Variants in DNAJB12 observed in about 807,000 individuals in gnomAD.
DNAJB12 encodes the protein dnaJ homolog subfamily B member 12.
Under a neutral mutation model 40.6 loss-of-function variants are expected in DNAJB12, and 14 were observed. The observed-to-expected ratio is 0.34, with a 90% confidence interval of 0.23 to 0.54. DNAJB12 has a LOEUF of 0.54. Ranked by LOEUF, DNAJB12 falls within the 20% of genes least tolerant of loss-of-function variation. The probability of loss-of-function intolerance (pLI) is 0.92; values close to 1 mark genes in which losing one functional copy is unlikely to be tolerated. For missense variants in DNAJB12, 444 were observed against 501.7 expected, an observed-to-expected ratio of 0.89 and a Z score of 1.10; for synonymous variants, 181 against 199.5, an observed-to-expected ratio of 0.91 and a Z score of 0.78.
intron 5 of DNAJB12, among the ~76,000 whole-genome samples, chr10:72,340,082 C>T (rs1460818114): frequency 6.6e-6 from 1 of 152,184 alleles, no homozygotes; most frequent in African/African-American, 2.4e-5. Flanking sequence ...CAGTGGCTCA[C>T]GCCCATAATC....
rs1351410413 is a variant in DNAJB12 at position 72,338,260 on chromosome 10, C to T, written c.775G>A (p.Val259Met). The change falls in exon 6 of 9, where the codon GTG becomes ATG. Residue 259 changes from valine (V) to methionine (M), a missense_variant. Val to Met is a conservative substitution (Grantham distance 21). Transcript: ENST00000444643. Reference protein sequence around the residue: ...QLMPILILILVSALSQLMVSS... With the variant: ...QLMPILILILMSALSQLMVSS... ...ACCATGAGCTGGCTGAGAGCTGACA[C>T]GAGAATCAGGATGAGGATAGGCATC... is the stretch of plus-strand genomic sequence containing the variant. 5 of 1,614,004 alleles carry T rather than the reference C, an allele frequency of 3.1e-6. No individual in the cohort carries two copies. The highest frequency in any genetic ancestry group is 1.3e-5 in the African/African-American group (1 of 74,982).
At chr10:72,354,718 C>A (rs759803479) in intron 1 of DNAJB12, 47 bp downstream of exon 1, 5 of 1,528,984 alleles carry the variant, frequency 3.3e-6, no homozygotes, top group Non-Finnish European at 4.5e-6. Context: ...CCCGTGTTCC[C>A]CCCATCAGTT....
chr10:72,345,120 A>G lies in DNAJB12; in HGVS notation c.141T>C (p.Ile47=). 6.2e-7 allele frequency: 1 copy of G among 1,610,360 alleles called. No homozygotes were observed. Among genetic ancestry groups the G allele is most frequent in the Non-Finnish European group, 8.5e-7 (1 of 1,177,992 alleles). The stretch of plus-strand genomic sequence containing the variant: ...TCTGTGGTTTCTGGTTGAGGGACTC[A>G]ATCAGGGCTGTGCAAGGCAAGGAAA... ...LYPTPRVRAL[I]ESLNQKPQTA... Residue 47 remains isoleucine, a synonymous_variant, in exon 2 of 9, where the codon ATT becomes ATC. Transcript: ENST00000444643.
At chr10:72,351,711 A>G (rs1279704560) in intron 1 of DNAJB12, among the ~76,000 whole-genome samples, 2 of 152,134 alleles carry the variant, frequency 1.3e-5, no homozygotes, top group African/African-American at 4.8e-5. Context: ...GCCTGCAGCA[A>G]CTTTCTCTCC....
rs901246114 is a variant in DNAJB12 at position 72,334,389 on chromosome 10, C to T, written c.*259G>A. 1.5e-5 allele frequency: 10 copies of T among 645,458 alleles called. No individual in the cohort carries two copies. The highest frequency in any genetic ancestry group is 4.1e-4 in the Middle Eastern group (1 of 2,462). 40.0% of individuals were successfully genotyped at this position (645,458 alleles called of 1,614,324 possible). On this transcript the variant is annotated 3_prime_UTR_variant, in exon 9 of 9. Coordinates refer to ENST00000444643, the MANE Select transcript of DNAJB12 (RefSeq NM_017626.7). ...TGGTTTCTGTATCCTAGGAGAGAGG[C>T]GATGCGGAGCCTCCGCCAGCCCTGC...
In DNAJB12 at chr10:72,334,490, G is replaced by A; in HGVS notation, c.*158C>T. ...TCTGCATTTACTGGGTGAGAGAGAG[G>A]GCAGCTGTGCAGCGTTCGGCCTCCA... On this transcript the variant is annotated 3_prime_UTR_variant, in exon 9 of 9. Transcript: ENST00000444643. 1 of 1,376,334 alleles carries A rather than the reference G, an allele frequency of 7.3e-7. No homozygotes were observed. The highest frequency in any genetic ancestry group is 1.0e-6 in the Non-Finnish European group (1 of 1,002,176). The allele number at this position is 1,376,334 out of a possible 1,614,324, so 85.3% of individuals were successfully genotyped here.
chr10:72,345,474 C>A (rs1292556494), intron 1 of DNAJB12, among the ~76,000 whole-genome samples: 1 of 149,818 alleles, frequency 6.7e-6, no homozygotes, highest in Non-Finnish European at 1.5e-5. Context: ...TGGTGGCGGG[C>A]GCCTGTAATT....
intron 3 of DNAJB12, 54 bp from the exon 4 acceptor site, chr10:72,341,224 C>A: frequency 6.5e-7 from 1 of 1,541,618 alleles, no homozygotes; most frequent in Non-Finnish European, 8.8e-7. Context: ...CGGGGGGAGG[C>A]TCCCATGGCA....
chr10:72,351,713 T>C (rs1006090208), intron 1 of DNAJB12, among the ~76,000 whole-genome samples: 4 of 152,228 alleles, frequency 2.6e-5, no homozygotes, highest in African/African-American at 9.6e-5. Context: ...CTGCAGCAAC[T>C]TTCTCTCCAT....
chr10:72,342,270 ACCT>A (rs1408808569), intron 3 of DNAJB12, among the ~76,000 whole-genome samples: 5 of 152,154 alleles, frequency 3.3e-5, no homozygotes, highest in African/African-American at 1.2e-4. Context: ...CCCAGCTCTG[ACCT>A]CCTCAGTCTC....
chr10:72,334,754 C>G, intron 8 of DNAJB12, 137 bp from the exon 9 acceptor site: 2 of 1,400,914 alleles, frequency 1.4e-6, no homozygotes, highest in Non-Finnish European at 1.8e-6. Context: ...ACCCCACTTG[C>G]GGCCTGCCCT....
At position 72,335,266 on chromosome 10, in the gene DNAJB12, T is replaced by C. The variant is rs1161686664; in HGVS notation, c.*30+514A>G. 9 of 986,666 alleles carry C rather than the reference T, an allele frequency of 9.1e-6. No homozygotes were observed. The highest frequency in any genetic ancestry group is 9.6e-6 in the Non-Finnish European group (8 of 830,594). The allele number at this position is 986,666 out of a possible 1,614,324, so 61.1% of individuals were successfully genotyped here. On this transcript the variant is annotated intron_variant, in intron 8 of 8. Coordinates refer to ENST00000444643, the MANE Select transcript of DNAJB12 (RefSeq NM_017626.7). This position sits in a 1 kb window ranked among gnomAD's most constrained non-coding sequence, Gnocchi z 4.4. ...GTGGCTGCCTGTTCATCTTGCTCCA[T>C]TTCCTCCTAGCTGGAGGGATGGAGA...
intron 3 of DNAJB12, among the ~76,000 whole-genome samples, chr10:72,343,132 T>C (rs986782426): frequency 2.6e-5 from 4 of 152,160 alleles, no homozygotes; most frequent in Non-Finnish European, 5.9e-5. Context: ...CCCCAGGAAA[T>C]GCAGAGGAAG....
At position 72,335,004 on chromosome 10, in the gene DNAJB12, A is replaced by C; in HGVS notation, c.*31-387T>G. On this transcript the variant is annotated intron_variant, in intron 8 of 8. Coordinates refer to ENST00000444643, the MANE Select transcript of DNAJB12 (RefSeq NM_017626.7). The surrounding 1 kb of genome is among the most constrained non-coding windows in gnomAD (Gnocchi z 4.4). ...AGAAGGAGGGAGCCTGCTACCAGCA[A>C]CTCTCATTTCCCCTCCACCCCTCCT... 9.3e-7 allele frequency: 1 copy of C among 1,072,624 alleles called. No individual in the cohort carries two copies. The allele number at this position is 1,072,624 out of a possible 1,614,324, so 66.4% of individuals were successfully genotyped here.
intron 1 of DNAJB12, among the ~76,000 whole-genome samples, chr10:72,345,567 CTCAAAAAA>C (rs1861762873): frequency 1.1e-5 from 1 of 91,006 alleles, no homozygotes; most frequent in African/African-American, 4.3e-5. Flanking sequence ...GAGACCCTGT[CTCAAAAAA>C]AAAAAAAAAA....
intron 5 of DNAJB12, among the ~76,000 whole-genome samples, chr10:72,339,891 A>G (rs1861585103): frequency 6.6e-6 from 1 of 151,974 alleles, no homozygotes; most frequent in African/African-American, 2.4e-5. Context: ...TTGTATGTTT[A>G]GTAGAGACGG....
rs949207296 is a variant in DNAJB12 at position 72,336,850 on chromosome 10, A to G, written c.834-154T>C. The G allele has an allele frequency of 3.5e-5, 21 of 597,716 alleles. No individual in the cohort carries two copies. The African/African-American group carries it at 3.9e-4, about 11-fold the overall frequency. 37.0% of individuals were successfully genotyped at this position (597,716 alleles called of 1,614,324 possible). On this transcript the variant is annotated intron_variant, in intron 6 of 8. Transcript: ENST00000444643. ...AGGGACCCGCACACTCCCTGAAAGG[A>G]GAGTCTGAGGAAAAGGCAGCGTCCT...
In DNAJB12 at chr10:72,345,115, G is replaced by C; in HGVS notation, c.146C>G (p.Ser49Cys). ...GGCAGTCTGTGGTTTCTGGTTGAGG[G>C]ACTCAATCAGGGCTGTGCAAGGCAA... ...PTPRVRALIE[S>C]LNQKPQTAGD... Residue 49 changes from serine (S) to cysteine (C), a missense_variant, in exon 2 of 9, where the codon TCC becomes TGC. Ser to Cys is a moderately radical substitution (Grantham distance 112). Coordinates refer to ENST00000444643, the MANE Select transcript of DNAJB12 (RefSeq NM_017626.7). The C allele has an allele frequency of 6.2e-7, 1 of 1,611,606 alleles. No individual in the cohort carries two copies. The highest frequency in any genetic ancestry group is 8.5e-7 in the Non-Finnish European group (1 of 1,178,682).
intron 5 of DNAJB12, among the ~76,000 whole-genome samples, chr10:72,338,950 G>A (rs1207646501): frequency 6.6e-6 from 1 of 152,106 alleles, no homozygotes; most frequent in African/African-American, 2.4e-5. Flanking sequence ...AAACTCTTCT[G>A]TTGTTAGATA....
Sources: allele counts gnomAD v4.1 joint callset (sites outside exome capture counted in the v4.1 genomes callset), GRCh38; gene constraint gnomAD v4.1.1; non-coding constraint Gnocchi (gnomAD v3.1); transcripts MANE v1.5; gene names NCBI Gene and HGNC (gene_info 2026-07-23, HGNC 2026-07-21).